Variants in CDH13 observed in about 807,000 individuals in gnomAD.
CDH13 encodes the protein cadherin-13.
A neutral mutation model predicts 63.8 loss-of-function variants in CDH13; 24 were observed. That is an observed-to-expected ratio of 0.38 (90% CI 0.27 to 0.53). CDH13 has a LOEUF of 0.53. CDH13 is among the 20% of genes least tolerant of loss of function. The probability of loss-of-function intolerance (pLI) is 0.85; values close to 1 mark genes in which losing one functional copy is unlikely to be tolerated. For missense variants in CDH13, 1,049 were observed against 903.1 expected (o/e 1.16, Z -2.07); for synonymous variants, 503 against 355.3 (o/e 1.42, Z -4.67).
At chr16:82,749,695 A>G (rs1288603427) in intron 1 of CDH13, among the ~76,000 whole-genome samples, 1 of 152,082 alleles carries the variant, frequency 6.6e-6, no homozygotes, top group African/African-American at 2.4e-5. Flanking sequence ...CCTTAAACTT[A>G]ACGTATTATA....
At chr16:82,733,689 C>A (rs1462036) in intron 1 of CDH13, among the ~76,000 whole-genome samples, 146,637 of 152,268 alleles carry the variant, frequency 0.96, 70,861 homozygotes, top group East Asian at 1. Context: ...TTTAAATCTC[C>A]AGGGGGTCTT....
At chr16:83,039,819 C>T (rs1567771795) in intron 3 of CDH13, among the ~76,000 whole-genome samples, 1 of 152,156 alleles carries the variant, frequency 6.6e-6, no homozygotes, top group African/African-American at 2.4e-5. Flanking sequence ...TTCACACTGG[C>T]TACTCCTCTG....
intron 1 of CDH13, among the ~76,000 whole-genome samples, chr16:82,819,298 G>C (rs1388273715): frequency 6.6e-6 from 1 of 152,204 alleles, no homozygotes; most frequent in Non-Finnish European, 1.5e-5. Flanking sequence ...TCCAGATAAA[G>C]GAGGTATTGA....
intron 5 of CDH13, among the ~76,000 whole-genome samples, chr16:83,306,365 C>G (rs1448222781): frequency 6.6e-6 from 1 of 152,132 alleles, no homozygotes; most frequent in East Asian, 1.9e-4. Context: ...GCAGATGTCT[C>G]ACAAATGCTG....
At chr16:82,722,083 C>A (rs1309644822) in intron 1 of CDH13, among the ~76,000 whole-genome samples, 1 of 152,146 alleles carries the variant, frequency 6.6e-6, no homozygotes, top group Admixed American at 6.5e-5. Context: ...GATGGAAACA[C>A]AACAGAGTAT....
intron 5 of CDH13, among the ~76,000 whole-genome samples, chr16:83,234,084 C>T (rs185080720): frequency 3.3e-5 from 5 of 152,244 alleles, no homozygotes; most frequent in East Asian, 1.9e-4. Flanking sequence ...GGGTGACGGC[C>T]GGAAGGAGAA....
intron 6 of CDH13, among the ~76,000 whole-genome samples, chr16:83,432,665 T>C (rs2072156817): frequency 6.6e-6 from 1 of 152,144 alleles, no homozygotes; most frequent in African/African-American, 2.4e-5. Flanking sequence ...TGTAGCCGGC[T>C]CTCAGGCTCA....
chr16:83,505,814 C>T (rs1285293281), intron 7 of CDH13, among the ~76,000 whole-genome samples: 1 of 152,032 alleles, frequency 6.6e-6, no homozygotes, highest in Non-Finnish European at 1.5e-5. Context: ...AAATGCCTAA[C>T]CCAGTTTAAA....
chr16:83,542,837 C>G (rs2075319006), intron 7 of CDH13, among the ~76,000 whole-genome samples: 1 of 152,250 alleles, frequency 6.6e-6, no homozygotes, highest in Non-Finnish European at 1.5e-5. Context: ...ATCATATTGG[C>G]TTAGGGCCCG....
At chr16:82,708,872 C>T (rs978908390) in intron 1 of CDH13, among the ~76,000 whole-genome samples, 15 of 152,318 alleles carry the variant, frequency 9.8e-5, no homozygotes, top group African/African-American at 3.1e-4. Flanking sequence ...TGACCAGCAT[C>T]AGAAATTCTG....
intron 5 of CDH13, among the ~76,000 whole-genome samples, chr16:83,229,714 G>T (rs910433550): frequency 6.6e-6 from 1 of 152,018 alleles, no homozygotes; most frequent in African/African-American, 2.4e-5. Flanking sequence ...TGCATAATAG[G>T]CTCCTTTAAG....
intron 5 of CDH13, among the ~76,000 whole-genome samples, chr16:83,280,092 T>A (rs2089120848): frequency 6.6e-6 from 1 of 152,206 alleles, no homozygotes; most frequent in Admixed American, 6.5e-5. Flanking sequence ...AGCAGTTTTT[T>A]AAAATAAGAC....
At chr16:82,857,664 T>G (rs2039757983) in intron 1 of CDH13, among the ~76,000 whole-genome samples, 1 of 152,228 alleles carries the variant, frequency 6.6e-6, no homozygotes. Context: ...TAGCCAAGTT[T>G]GCAAAAGGAA....
intron 8 of CDH13, among the ~76,000 whole-genome samples, chr16:83,605,394 G>C (rs1416305831): frequency 6.6e-6 from 1 of 152,202 alleles, no homozygotes; most frequent in Non-Finnish European, 1.5e-5. Context: ...CATACACTTT[G>C]GATAGTAACA....
chr16:83,242,476 A>G (rs1354310377), intron 5 of CDH13, among the ~76,000 whole-genome samples: 1 of 152,224 alleles, frequency 6.6e-6, no homozygotes, highest in African/African-American at 2.4e-5. Flanking sequence ...CAATATAAAC[A>G]TAGGCCAAGT....
intron 1 of CDH13, among the ~76,000 whole-genome samples, chr16:82,773,084 A>G (rs1383865346): frequency 6.6e-6 from 1 of 152,178 alleles, no homozygotes; most frequent in African/African-American, 2.4e-5. Flanking sequence ...GGAAGTCTGG[A>G]TACACTCCTT....
At chr16:82,822,744 C>G (rs1427453715) in intron 1 of CDH13, among the ~76,000 whole-genome samples, 1 of 152,244 alleles carries the variant, frequency 6.6e-6, no homozygotes, top group Non-Finnish European at 1.5e-5. Flanking sequence ...ATCCTCCCAC[C>G]TTGGCCTCCC....
At chr16:83,781,641 A>C (rs1275952028) in intron 12 of CDH13, among the ~76,000 whole-genome samples, 1 of 152,104 alleles carries the variant, frequency 6.6e-6, no homozygotes, top group Non-Finnish European at 1.5e-5. Context: ...GATTATTTTT[A>C]ATTAAAACAG....
chr16:83,216,428 A>ATG (rs1567514062), intron 4 of CDH13, among the ~76,000 whole-genome samples: 3 of 62,888 alleles, frequency 4.8e-5, no homozygotes, highest in African/African-American at 1.7e-4. Flanking sequence ...ATATATATAT[A>ATG]TATATATATA....
Sources: allele counts gnomAD v4.1 joint callset (sites outside exome capture counted in the v4.1 genomes callset), GRCh38; gene constraint gnomAD v4.1.1; transcripts MANE v1.5; gene names NCBI Gene and HGNC (gene_info 2026-07-23, HGNC 2026-07-21).